AKR1E2: variants seen among roughly 807,000 people sequenced by gnomAD.
The protein encoded by AKR1E2 is 1,5-anhydro-D-fructose reductase.
In AKR1E2, 43 loss-of-function variants were observed where a neutral mutation model predicts 41.9. The ratio of observed to expected loss-of-function variants is 1.03; its 90% CI spans 0.80 to 1.32. The LOEUF (loss-of-function observed/expected upper bound fraction) is 1.32. AKR1E2 is among the 40% of genes most tolerant of loss of function. AKR1E2 has a pLI of 0.00. For synonymous variants in AKR1E2, 121 were observed against 138.9 expected (o/e 0.87, Z 0.91); for missense variants, 423 against 396.5 (o/e 1.07, Z -0.57).
chr10:4,845,527 A>C (rs1297434091), intron 8 of AKR1E2, among the ~76,000 whole-genome samples: 1 of 151,220 alleles, frequency 6.6e-6, no homozygotes, highest in Non-Finnish European at 1.5e-5. Flanking sequence ...GGCCTGGCCT[A>C]AGGTGCCCTC....
the AKR1E2 span, among the ~76,000 whole-genome samples, chr10:4,860,569 A>G: frequency 4.6e-5 from 7 of 152,218 alleles, no homozygotes; most frequent in Non-Finnish European, 5.9e-5. Context: ...TTGAATTTGC[A>G]TAGAAATATA....
chr10:4,838,704 A>G (rs1833629080), intron 5 of AKR1E2, among the ~76,000 whole-genome samples: 1 of 152,162 alleles, frequency 6.6e-6, no homozygotes, highest in Non-Finnish European at 1.5e-5. Context: ...ATGAAGAGCA[A>G]CCTGGCTTCT....
chr10:4,858,450 A>G, the AKR1E2 span, among the ~76,000 whole-genome samples: 2 of 152,190 alleles, frequency 1.3e-5, no homozygotes, highest in Non-Finnish European at 2.9e-5. Flanking sequence ...GGTCTTTACC[A>G]CAATATTAAA....
Position 4,839,743 on chromosome 10 carries a change from A to C in AKR1E2, c.597A>C (p.Pro199=). ...KPLTNQIECH[P]YLTQKNLISF... ...TTCTGTTATAGATTGAGTGCCACCC[A>C]TATCTTACTCAGAAGAATCTGATCA... The change falls in exon 6 of 10, where the codon CCA becomes CCC. Residue 199 remains proline, a synonymous_variant. Transcript: ENST00000298375. 1 of 1,613,812 alleles carries C rather than the reference A, an allele frequency of 6.2e-7. No individual in the cohort carries two copies. The highest frequency in any genetic ancestry group is 8.5e-7 in the Non-Finnish European group (1 of 1,179,802).
chr10:4,837,992 G>A (rs1187953099), intron 5 of AKR1E2, among the ~76,000 whole-genome samples: 1 of 152,252 alleles, frequency 6.6e-6, no homozygotes, highest in African/African-American at 2.4e-5. Flanking sequence ...GCTGCTGAAG[G>A]TGATGCAGGC....
At chr10:4,828,712 G>C (rs1564252791) in intron 1 of AKR1E2, among the ~76,000 whole-genome samples, 1 of 152,112 alleles carries the variant, frequency 6.6e-6, no homozygotes. Flanking sequence ...ATTCTTCTCT[G>C]TTAATAAATT....
intron 8 of AKR1E2, among the ~76,000 whole-genome samples, chr10:4,842,822 C>T (rs1379387494): frequency 2.0e-5 from 3 of 152,144 alleles, no homozygotes; most frequent in African/African-American, 2.4e-5. Flanking sequence ...TGGCTGCGCT[C>T]GCCCACAGGG....
chr10:4,842,505 G>A lies in AKR1E2; in HGVS notation c.837+1G>A. Reference sequence around the variant, plus strand: ...AAGTCACATTAAAGAGAATATCCAGGTAGGTGTATTCCTTCTTTTATTTGG... The same window carrying A: ...AAGTCACATTAAAGAGAATATCCAGATAGGTGTATTCCTTCTTTTATTTGG... On this transcript the variant is annotated splice_donor_variant, in intron 8 of 9. Transcript: ENST00000298375. LOFTEE classifies it high-confidence loss of function. 3 of 1,613,530 alleles carry A rather than the reference G, an allele frequency of 1.9e-6. No individual in the cohort carries two copies. The highest frequency in any genetic ancestry group is 2.5e-6 in the Non-Finnish European group (3 of 1,179,506).
chr10:4,864,601 C>T, the AKR1E2 span, among the ~76,000 whole-genome samples: 1 of 152,114 alleles, frequency 6.6e-6, no homozygotes, highest in African/African-American at 2.4e-5. Flanking sequence ...GTTGGAAGTT[C>T]TGGCCAGGGC....
chr10:4,847,365 G>A, intron 9 of AKR1E2, 123 bp from the exon 10 acceptor site: 2 of 1,536,926 alleles, frequency 1.3e-6, no homozygotes, highest in South Asian at 1.2e-5. Context: ...GTTTGAAGAT[G>A]AGCCACTGAA....
chr10:4,858,469 AT>A, the AKR1E2 span, among the ~76,000 whole-genome samples: 1 of 152,188 alleles, frequency 6.6e-6, no homozygotes, highest in Non-Finnish European at 1.5e-5. Flanking sequence ...AATGGTGGAG[AT>A]AGTCATGTAA....
the AKR1E2 span, among the ~76,000 whole-genome samples, chr10:4,865,110 T>A: frequency 5.1e-4 from 77 of 152,162 alleles, no homozygotes; most frequent in Non-Finnish European, 2.9e-4. Flanking sequence ...ATAAAGTTAC[T>A]CTCTAACACA....
At chr10:4,835,409 A>G (rs1014522009) in intron 3 of AKR1E2, among the ~76,000 whole-genome samples, 3 of 152,168 alleles carry the variant, frequency 2.0e-5, no homozygotes, top group African/African-American at 4.8e-5. Flanking sequence ...GGAGAGGACA[A>G]CCTTGCATCA....
At chr10:4,841,658 C>A in intron 6 of AKR1E2, 127 bp from the exon 7 acceptor site, 2 of 646,624 alleles carry the variant, frequency 3.1e-6, no homozygotes, top group Non-Finnish European at 4.8e-6. Flanking sequence ...TTTAAAATTT[C>A]CTGTAGTCGG....
the AKR1E2 span, among the ~76,000 whole-genome samples, chr10:4,858,540 A>C: frequency 1.6e-4 from 24 of 152,338 alleles, no homozygotes; most frequent in East Asian, 2.9e-3. Context: ...TTAGCATAGA[A>C]CTACAGAGAG....
At chr10:4,868,463 CAT>C in the AKR1E2 span, among the ~76,000 whole-genome samples, 1 of 152,186 alleles carries the variant, frequency 6.6e-6, no homozygotes, top group Non-Finnish European at 1.5e-5. Flanking sequence ...ATCTTGCTGA[CAT>C]AAGCCCGTGG....
downstream of AKR1E2, among the ~76,000 whole-genome samples, chr10:4,850,950 A>C (rs545747062): frequency 7.2e-5 from 11 of 152,298 alleles, no homozygotes; most frequent in South Asian, 2.3e-3. Flanking sequence ...TATGCACCTT[A>C]AACTTTATGT....
At position 4,830,676 on chromosome 10, in the gene AKR1E2, C is replaced by T. The variant is rs1832898448; in HGVS notation, c.41C>T (p.Ala14Val). ...CACTTTGTTTTGTTGGTTTTGCAGG[C>T]TTCTCCAGGGAAAGTGACCGAGGCA... ...IPAVGLSSWK[A>V]SPGKVTEAVK... is the part of the protein sequence containing the mutation. Residue 14 changes from alanine to valine, a missense_variant and splice_region_variant, in exon 2 of 10, where the codon GCT becomes GTT. By Grantham distance (64) the Ala-to-Val change is moderately conservative (BLOSUM62 0). Transcript: ENST00000298375. 1.2e-6 allele frequency: 2 copies of T among 1,613,778 alleles called. No homozygotes were observed. Among genetic ancestry groups the T allele is most frequent in the Non-Finnish European group, 1.7e-6 (2 of 1,179,850 alleles).
chr10:4,830,569 A>C lies in AKR1E2; in HGVS notation c.40-106A>C, dbSNP rs1832889675. On this transcript the variant is annotated intron_variant, in intron 1 of 9. Coordinates refer to ENST00000298375, the MANE Select transcript of AKR1E2 (RefSeq NM_001040177.3). ...TGATTATACTAGTACCAAATTAGTGACTTAATTTTTTATGTATTATGTTGT... is the reference window on the plus strand; with the variant it reads ...TGATTATACTAGTACCAAATTAGTGCCTTAATTTTTTATGTATTATGTTGT... 3 of 1,301,736 alleles carry C rather than the reference A, an allele frequency of 2.3e-6. No individual in the cohort carries two copies. The South Asian group carries it at 4.2e-5, about 18-fold the overall frequency. 80.6% of individuals were successfully genotyped at this position (1,301,736 alleles called of 1,614,324 possible).
Sources: allele counts gnomAD v4.1 joint callset (sites outside exome capture counted in the v4.1 genomes callset), GRCh38; gene constraint gnomAD v4.1.1; transcripts MANE v1.5; gene names NCBI Gene and HGNC (gene_info 2026-07-23, HGNC 2026-07-21).